Variants in GREB1L observed in about 807,000 individuals in gnomAD.
The protein encoded by GREB1L is GREB1-like protein.
Under a neutral mutation model 200.8 loss-of-function variants are expected in GREB1L, and 17 were observed. The ratio of observed to expected loss-of-function variants is 0.08; its 90% confidence interval spans 0.06 to 0.13. The LOEUF (loss-of-function observed/expected upper bound fraction) is 0.13. GREB1L is among the 10% of genes least tolerant of loss of function. The pLI is 1.00. For synonymous variants in GREB1L, 789 were observed against 893.0 expected (o/e 0.88, Z 2.08); for missense variants, 1,657 against 2,367.7 (o/e 0.70, Z 6.23).
intron 1 of GREB1L, among the ~76,000 whole-genome samples, chr18:21,267,770 A>G (rs978222927): frequency 1.3e-5 from 2 of 151,370 alleles, no homozygotes; most frequent in African/African-American, 2.4e-5. Flanking sequence ...AGTAGAAGTG[A>G]CAGAGAGTTG....
chr18:21,286,433 A>G (rs1216428886), intron 1 of GREB1L, among the ~76,000 whole-genome samples: 2 of 152,226 alleles, frequency 1.3e-5, no homozygotes, highest in African/African-American at 4.8e-5. Context: ...AATAATGTTC[A>G]TGTTTAAGAT....
chr18:21,361,438 A>G (rs1419054695), intron 1 of GREB1L, among the ~76,000 whole-genome samples: 1 of 152,176 alleles, frequency 6.6e-6, no homozygotes, highest in East Asian at 1.9e-4. Flanking sequence ...TGCAGACCCA[A>G]GGCTGCACAA....
chr18:21,321,399 G>C (rs184204413), intron 1 of GREB1L, among the ~76,000 whole-genome samples: 1 of 151,120 alleles, frequency 6.6e-6, no homozygotes, highest in Non-Finnish European at 1.5e-5. Context: ...AAAAATGAAG[G>C]ATAGGCCAGG....
chr18:21,450,388 T>C (rs1402707457), intron 12 of GREB1L, among the ~76,000 whole-genome samples: 1 of 152,162 alleles, frequency 6.6e-6, no homozygotes, highest in Non-Finnish European at 1.5e-5. Context: ...TGGACTACAT[T>C]TTGCTTCTCT....
At chr18:21,422,875 A>T (rs1248868773) in intron 7 of GREB1L, among the ~76,000 whole-genome samples, 1 of 152,144 alleles carries the variant, frequency 6.6e-6, no homozygotes, top group African/African-American at 2.4e-5. Context: ...GAGGCTCACT[A>T]ATTGAGTTTA....
intron 1 of GREB1L, among the ~76,000 whole-genome samples, chr18:21,356,644 A>C (rs548098367): frequency 6.6e-6 from 1 of 152,288 alleles, no homozygotes; most frequent in East Asian, 1.9e-4. Context: ...GGGGGTGCAC[A>C]TATTTATTCA....
At chr18:21,376,856 G>C (rs1285962069) in intron 2 of GREB1L, among the ~76,000 whole-genome samples, 1 of 149,542 alleles carries the variant, frequency 6.7e-6, no homozygotes, top group Non-Finnish European at 1.5e-5. Flanking sequence ...GTAATTTCCA[G>C]TATATACTTA....
chr18:21,447,890 A>G (rs1480755729), intron 11 of GREB1L, among the ~76,000 whole-genome samples: 1 of 152,068 alleles, frequency 6.6e-6, no homozygotes, highest in Admixed American at 6.6e-5. Flanking sequence ...GAGGCCAGGC[A>G]CGGTGGCTCA....
chr18:21,260,402 G>A (rs2037870440), intron 1 of GREB1L, among the ~76,000 whole-genome samples: 1 of 151,932 alleles, frequency 6.6e-6, no homozygotes, highest in African/African-American at 2.4e-5. Context: ...GGGAAAAAAA[G>A]GAAAGAGACT....
At chr18:21,521,196 C>G (rs1241583536) in intron 32 of GREB1L, among the ~76,000 whole-genome samples, 1 of 148,896 alleles carries the variant, frequency 6.7e-6, no homozygotes, top group Non-Finnish European at 1.5e-5. Flanking sequence ...GACTCCGTCT[C>G]AAAAAAAAAG....
chr18:21,335,473 G>C (rs1049262630), intron 1 of GREB1L, among the ~76,000 whole-genome samples: 2 of 152,110 alleles, frequency 1.3e-5, no homozygotes, highest in Non-Finnish European at 2.9e-5. Flanking sequence ...GAAGTTAGAT[G>C]AATCAAGGAC....
chr18:21,352,936 C>T (rs1282365680), intron 1 of GREB1L, among the ~76,000 whole-genome samples: 2 of 151,868 alleles, frequency 1.3e-5, no homozygotes. Flanking sequence ...AATCCCAGCA[C>T]TTTGGGAGGC....
At chr18:21,396,220 T>C (rs1376682546) in intron 5 of GREB1L, among the ~76,000 whole-genome samples, 1 of 151,558 alleles carries the variant, frequency 6.6e-6, no homozygotes, top group East Asian at 1.9e-4. Flanking sequence ...ACTCTTTGTA[T>C]TTTTAGTAAA....
chr18:21,417,441 G>A (rs1331920853), intron 7 of GREB1L, among the ~76,000 whole-genome samples: 4 of 152,114 alleles, frequency 2.6e-5, no homozygotes, highest in South Asian at 2.1e-4. Flanking sequence ...TTTAACCCGG[G>A]AGACAGAGGT....
intron 1 of GREB1L, among the ~76,000 whole-genome samples, chr18:21,336,612 G>A (rs1356552889): frequency 1.3e-5 from 2 of 152,130 alleles, no homozygotes; most frequent in Non-Finnish European, 2.9e-5. Flanking sequence ...AATTCTGCTG[G>A]GTCCCCCTTA....
At chr18:21,339,964 A>G (rs1317914867) in intron 1 of GREB1L, among the ~76,000 whole-genome samples, 1 of 152,216 alleles carries the variant, frequency 6.6e-6, no homozygotes, top group African/African-American at 2.4e-5. Flanking sequence ...GCAGCTACCT[A>G]AGTGGTATGG....
chr18:21,457,161 G>A (rs2034806048), intron 15 of GREB1L, among the ~76,000 whole-genome samples: 1 of 152,014 alleles, frequency 6.6e-6, no homozygotes, highest in African/African-American at 2.4e-5. Flanking sequence ...AATAAATTGT[G>A]CAGGTTTTTT....
intron 23 of GREB1L, among the ~76,000 whole-genome samples, chr18:21,501,248 G>GTT (rs1189394790): frequency 7.1e-6 from 1 of 141,210 alleles, no homozygotes; most frequent in Non-Finnish European, 1.6e-5. Flanking sequence ...TTTTTGGGCT[G>GTT]TTTTTTTTTT....
intron 1 of GREB1L, among the ~76,000 whole-genome samples, chr18:21,352,920 G>A (rs1270067722): frequency 5.3e-5 from 8 of 151,658 alleles, no homozygotes; most frequent in Non-Finnish European, 1.2e-4. Flanking sequence ...GATGGCTCAC[G>A]CCTGTAATCC....
Sources: allele counts gnomAD v4.1 joint callset (sites outside exome capture counted in the v4.1 genomes callset), GRCh38; gene constraint gnomAD v4.1.1; transcripts MANE v1.5; gene names NCBI Gene and HGNC (gene_info 2026-07-23, HGNC 2026-07-21).